The following CD8B variants were observed in gnomAD, a reference collection of about 807,000 sequenced individuals.
CD8B encodes the protein T-cell surface glycoprotein CD8 beta chain.
A neutral mutation model predicts 24.2 loss-of-function variants in CD8B; 6 were observed. The observed-to-expected ratio is 0.25, with a 90% CI of 0.14 to 0.49. The LOEUF is 0.49. CD8B is among the 20% of genes least tolerant of loss of function. The probability of loss-of-function intolerance (pLI) is 0.98; values close to 1 mark genes in which losing one functional copy is unlikely to be tolerated. For synonymous variants in CD8B, 84 were observed against 108.3 expected, an observed-to-expected ratio of 0.78 and a Z score of 1.39; for missense variants, 196 against 271.3, an observed-to-expected ratio of 0.72 and a Z score of 1.95.
chr2:86,835,110 G>A (rs1237557207), downstream of CD8B, among the ~76,000 whole-genome samples: 74 of 152,182 alleles, frequency 4.9e-4, no homozygotes, highest in Middle Eastern at 3.4e-3. Flanking sequence ...TGGGGCTGGC[G>A]GACTTTCTGA....
At chr2:86,815,378 T>C (rs1674192878), downstream of CD8B, 1 of 472,502 alleles carries the variant, frequency 2.1e-6, no homozygotes. Flanking sequence ...CTTTAGGATT[T>C]TGGGCAAATT....
At chr2:86,830,849 AT>A (rs1437611808) in intron 5 of CD8B, among the ~76,000 whole-genome samples, 1 of 152,116 alleles carries the variant, frequency 6.6e-6, no homozygotes, top group Non-Finnish European at 1.5e-5. Context: ...TTTGTTTATT[AT>A]TTTAATAATT....
At chr2:86,833,639 C>CCCTTCCTT (rs1553435044), downstream of CD8B, among the ~76,000 whole-genome samples, 15 of 76,002 alleles carry the variant, frequency 2.0e-4, no homozygotes, top group East Asian at 2.6e-4. Context: ...CTCCCTCCCT[C>CCCTTCCTT]CCTTCCTTCC....
chr2:86,843,174 C>A (rs183911166), intron 5 of CD8B, among the ~76,000 whole-genome samples: 1 of 152,236 alleles, frequency 6.6e-6, no homozygotes, highest in Admixed American at 6.5e-5. Flanking sequence ...CTCATTGCAA[C>A]CTCTGCCTCC....
intron 4 of CD8B, among the ~76,000 whole-genome samples, chr2:86,846,402 C>G (rs1675677299): frequency 6.6e-6 from 1 of 152,030 alleles, no homozygotes; most frequent in Admixed American, 6.6e-5. Flanking sequence ...TAATGTCCTA[C>G]CCCCATCTGA....
intron 3 of CD8B, among the ~76,000 whole-genome samples, chr2:86,852,610 C>T (rs1310435168): frequency 6.6e-6 from 1 of 151,848 alleles, no homozygotes; most frequent in Non-Finnish European, 1.5e-5. Context: ...GTGACTGGCT[C>T]CTTTCATTTT....
intron 5 of CD8B, among the ~76,000 whole-genome samples, chr2:86,825,647 G>C (rs1036042041): frequency 2.6e-5 from 4 of 152,188 alleles, no homozygotes; most frequent in African/African-American, 9.7e-5. Context: ...GCTCCTATGG[G>C]TGATAACTGC....
chr2:86,817,119 A>G (rs62146081), intron 5 of CD8B, among the ~76,000 whole-genome samples: 2 of 152,322 alleles, frequency 1.3e-5, no homozygotes, highest in South Asian at 4.1e-4. Flanking sequence ...ATCATTTTAT[A>G]TTCAAATTAG....
intron 5 of CD8B, among the ~76,000 whole-genome samples, chr2:86,827,895 AC>A (rs1050965558): frequency 1.3e-5 from 2 of 152,190 alleles, no homozygotes; most frequent in Non-Finnish European, 2.9e-5. Context: ...TGTAGATGAG[AC>A]TAGGAAAACT....
downstream of CD8B, among the ~76,000 whole-genome samples, chr2:86,837,816 C>T (rs952810641): frequency 6.6e-6 from 1 of 151,848 alleles, no homozygotes; most frequent in Admixed American, 6.6e-5. Context: ...GGGGGGAACA[C>T]CAGTGCTGCT....
downstream of CD8B, among the ~76,000 whole-genome samples, chr2:86,836,415 C>T (rs1675180960): frequency 6.6e-6 from 1 of 152,106 alleles, no homozygotes; most frequent in African/African-American, 2.4e-5. Flanking sequence ...CCTGGCCATG[C>T]CGCACCCCTA....
intron 5 of CD8B, among the ~76,000 whole-genome samples, chr2:86,820,174 G>A (rs1674404818): frequency 6.6e-6 from 1 of 152,248 alleles, no homozygotes; most frequent in African/African-American, 2.4e-5. Flanking sequence ...TTGTTGAAAT[G>A]ACAACAGAAG....
At position 86,848,024 on chromosome 2, in the gene CD8B, T is replaced by A. The variant is rs186397966; in HGVS notation, c.494-1251A>T. ...TCTGACAGCATGGATGTACCATGAG[T>A]TACTTGTCATCAGTGGGCCTTTTGA... On this transcript the variant is annotated intron_variant, in intron 3 of 5. Transcript: ENST00000390655. 2.7e-3 allele frequency among the ~76,000 whole-genome samples: 412 copies of A among 152,282 alleles called. 2 individuals carry two copies. Among genetic ancestry groups the A allele is most frequent in the Admixed American group, 8.7e-3 (133 of 15,282 alleles).
In CD8B at chr2:86,846,739, C is replaced by T. The variant is rs1333267958; in HGVS notation, c.528G>A (p.Leu176=). 2.5e-6 allele frequency: 4 copies of T among 1,585,002 alleles called. No homozygotes were observed. The highest frequency in any genetic ancestry group is 3.4e-6 in the Non-Finnish European group (4 of 1,165,126). The change falls in exon 4 of 6, where the codon CTG becomes CTA. Residue 176 remains leucine (L), a synonymous_variant. Transcript: ENST00000390655. ...PLCSPITLGL[L]VAGVLVLLVS... ...CCAGCAGAACCAGGACGCCAGCCAC[C>T]AGCAGGCCAAGGGTGATGGGGCTAC...
At chr2:86,847,009 C>T (rs1675722915) in intron 3 of CD8B, among the ~76,000 whole-genome samples, 2 of 130,392 alleles carry the variant, frequency 1.5e-5, no homozygotes, top group South Asian at 5.2e-4. Context: ...GCATTCTCAG[C>T]TTACTGCAAC....
intron 5 of CD8B, chr2:86,843,270 AT>A (rs1675521923): frequency 6.3e-6 from 1 of 157,546 alleles, no homozygotes; most frequent in Admixed American, 6.6e-5. Flanking sequence ...AATTTTTTGT[AT>A]TTTTAGTAGA....
intron 5 of CD8B, among the ~76,000 whole-genome samples, chr2:86,824,003 G>T (rs936177612): frequency 1.3e-5 from 2 of 151,726 alleles, no homozygotes; most frequent in South Asian, 4.2e-4. Context: ...GTGTGTGTGT[G>T]TGTGTATGCT....
rs1675356588 is a variant in CD8B at position 86,840,214 on chromosome 2, TGAA to T, written c.*2090_*2092del. Among the ~76,000 whole-genome samples, 1 of 149,262 alleles carries T rather than the reference TGAA, an allele frequency of 6.7e-6. No homozygotes were observed. Among genetic ancestry groups the T allele is most frequent in the Admixed American group, 6.7e-5 (1 of 14,978 alleles). ...GCATCTAAGGCCAATTCGTGCTGAA[TGAA>T]GGAGAAACACCTACGTCTGGGGGCA... On this transcript the variant is annotated 3_prime_UTR_variant, in exon 6 of 6. Transcript: ENST00000390655.
chr2:86,830,352 A>G (rs1674858926), intron 5 of CD8B, among the ~76,000 whole-genome samples: 1 of 152,196 alleles, frequency 6.6e-6, no homozygotes, highest in African/African-American at 2.4e-5. Flanking sequence ...GAGTCAGTTG[A>G]GGCCAGCAGT....
Sources: allele counts gnomAD v4.1 joint callset (sites outside exome capture counted in the v4.1 genomes callset), GRCh38; gene constraint gnomAD v4.1.1; transcripts MANE v1.5; gene names NCBI Gene and HGNC (gene_info 2026-07-23, HGNC 2026-07-21).